The following RNF175 variants were observed in gnomAD, a reference collection of about 807,000 sequenced individuals.
The protein encoded by RNF175 is ring finger protein 175.
RNF175 carries 38 observed loss-of-function variants against 50.0 expected under a neutral mutation model. That is an observed-to-expected ratio of 0.76 (90% confidence interval 0.59 to 1.00). The LOEUF (loss-of-function observed/expected upper bound fraction) is 1.00. Ranked by LOEUF, RNF175 falls within the 50% of genes least tolerant of loss-of-function variation. RNF175 has a pLI of 0.00. For missense variants in RNF175, 388 were observed against 409.6 expected (o/e 0.95, Z 0.46); for synonymous variants, 155 against 146.1 (o/e 1.06, Z -0.44).
intron 5 of RNF175, chr4:153,721,561 AAT>A (rs1490607383): frequency 1.3e-5 from 2 of 152,184 alleles, no homozygotes; most frequent in Non-Finnish European, 2.9e-5. Context: ...TGTCCAGGGA[AAT>A]ATGTATCAAT....
Position 153,748,808 on chromosome 4 carries a change from C to T in RNF175, c.105-22G>A, listed in dbSNP as rs528597506. 4.8e-5 allele frequency: 77 copies of T among 1,596,774 alleles called. No individual in the cohort carries two copies. In the East Asian group the frequency reaches 1.6e-3, roughly 32 times the overall value. Reference sequence around the variant, plus strand: ...CAGGCTGGAACCAGCAAAATGAGGTCATCTGAAAAAGCCCTCAACCTTGCG... The same window carrying T: ...CAGGCTGGAACCAGCAAAATGAGGTTATCTGAAAAAGCCCTCAACCTTGCG... On this transcript the variant is annotated intron_variant, in intron 2 of 8. Coordinates refer to ENST00000347063, the MANE Select transcript of RNF175 (RefSeq NM_173662.4).
chr4:153,746,282 A>C (rs1739965055), intron 3 of RNF175, among the ~76,000 whole-genome samples: 1 of 152,246 alleles, frequency 6.6e-6, no homozygotes, highest in Non-Finnish European at 1.5e-5. Flanking sequence ...CTAAATCCTA[A>C]GACTTGAGGA....
At chr4:153,724,539 C>A (rs889793411) in intron 4 of RNF175, among the ~76,000 whole-genome samples, 5 of 152,176 alleles carry the variant, frequency 3.3e-5, no homozygotes, top group Admixed American at 2.0e-4. Context: ...GAGTCTTGCT[C>A]CAGATGTTTA....
At chr4:153,720,091 CT>C (rs1490788202) in intron 6 of RNF175, 92 bp downstream of exon 6, 10 of 1,359,552 alleles carry the variant, frequency 7.4e-6, no homozygotes, top group Non-Finnish European at 1.0e-5. Flanking sequence ...TGGAGAAAGA[CT>C]TATTTGTTTC....
Position 153,731,104 on chromosome 4 carries a change from T to C in RNF175, c.247-2743A>G, listed in dbSNP as rs115972363. 1.5e-3 allele frequency among the ~76,000 whole-genome samples: 225 copies of C among 152,378 alleles called. 1 individual carries two copies. The highest frequency in any genetic ancestry group is 5.1e-3 in the African/African-American group (212 of 41,592). ...AACTCAGCACCATATTTTCTCAATA[T>C]ATGAAGGGAAAGTTCAGTAATTTGC... On this transcript the variant is annotated intron_variant, in intron 3 of 8. Coordinates refer to ENST00000347063, the MANE Select transcript of RNF175 (RefSeq NM_173662.4).
At chr4:153,750,396 C>T (rs978079791) in intron 2 of RNF175, among the ~76,000 whole-genome samples, 3 of 152,162 alleles carry the variant, frequency 2.0e-5, no homozygotes, top group Admixed American at 2.0e-4. Context: ...TCATCCAAAT[C>T]CCAAGGGTGC....
chr4:153,710,378 C>A lies in RNF175; in HGVS notation c.978G>T (p.Gly326=). Residue 326 remains glycine (G), a synonymous_variant, in exon 9 of 9, where the codon GGG becomes GGT. Coordinates refer to ENST00000347063, the MANE Select transcript of RNF175 (RefSeq NM_173662.4). The stretch of plus-strand genomic sequence containing the variant: ...TCTGGGGTCTGCTGTCCTATTCCAG[C>A]CCTAGTGAATAGATAATGCCTTGAA... The part of the protein sequence containing the change: ...GIVQGIIYSL[G]LE The A allele has an allele frequency of 1.3e-6, 2 of 1,554,550 alleles. No individual in the cohort carries two copies. The highest frequency in any genetic ancestry group is 1.7e-6 in the Non-Finnish European group (2 of 1,147,558).
intron 3 of RNF175, among the ~76,000 whole-genome samples, chr4:153,731,813 A>T (rs1739054997): frequency 1.3e-5 from 2 of 152,174 alleles, no homozygotes; most frequent in South Asian, 2.1e-4. Flanking sequence ...GGGTGGTGGG[A>T]TGGTGGAGGG....
intron 1 of RNF175, among the ~76,000 whole-genome samples, chr4:153,758,814 C>T (rs1740679994): frequency 6.6e-6 from 1 of 152,036 alleles, no homozygotes; most frequent in Admixed American, 6.6e-5. Flanking sequence ...TACTGTTGTT[C>T]CCTCCATCTA....
At chr4:153,714,650 T>C (rs542784978) in intron 7 of RNF175, 2 of 152,356 alleles carry the variant, frequency 1.3e-5, no homozygotes, top group Non-Finnish European at 2.9e-5. Context: ...ATTAAAATAC[T>C]GATGATTGGC....
intron 3 of RNF175, 195 bp downstream of exon 3, chr4:153,748,450 A>G (rs1433305056): frequency 8.3e-6 from 4 of 480,422 alleles, no homozygotes; most frequent in Admixed American, 8.1e-5. Flanking sequence ...ACCCCCCACA[A>G]GTCTTGACAG....
At chr4:153,756,825 GC>G (rs1740589515) in intron 1 of RNF175, among the ~76,000 whole-genome samples, 1 of 152,236 alleles carries the variant, frequency 6.6e-6, no homozygotes, top group African/African-American at 2.4e-5. Context: ...AGAATTACCA[GC>G]AGAGGGCAAG....
At chr4:153,725,842 A>G (rs1530105) in intron 4 of RNF175, among the ~76,000 whole-genome samples, 30,621 of 152,174 alleles carry the variant, frequency 0.2, 3,253 homozygotes, top group East Asian at 0.3. Flanking sequence ...GGATGTGTTC[A>G]GTTTTCCAAA....
At chr4:153,712,850 G>GT (rs1737681465) in intron 7 of RNF175, among the ~76,000 whole-genome samples, 2 of 146,554 alleles carry the variant, frequency 1.4e-5, no homozygotes, top group Admixed American at 1.4e-4. Context: ...AAGAATATGA[G>GT]TCCTTTTTTT....
intron 3 of RNF175, among the ~76,000 whole-genome samples, chr4:153,743,108 TC>T (rs1462457684): frequency 6.6e-6 from 1 of 152,136 alleles, no homozygotes; most frequent in Non-Finnish European, 1.5e-5. Context: ...CAGTAGTGTA[TC>T]AGGCCGTAGT....
chr4:153,730,631 CTCTT>C (rs1447981255), intron 3 of RNF175, among the ~76,000 whole-genome samples: 10 of 152,074 alleles, frequency 6.6e-5, no homozygotes, highest in Non-Finnish European at 1.2e-4. Flanking sequence ...TGCATTTTTC[CTCTT>C]TCTATTTTAA....
intron 1 of RNF175, among the ~76,000 whole-genome samples, chr4:153,754,935 T>C (rs1740489211): frequency 6.6e-6 from 1 of 151,918 alleles, no homozygotes; most frequent in Non-Finnish European, 1.5e-5. Context: ...TGTGAGATAA[T>C]ACATTTTTTT....
chr4:153,748,824 C>T (rs1490264682), intron 2 of RNF175, 38 bp from the exon 3 acceptor site: 1 of 1,543,266 alleles, frequency 6.5e-7, no homozygotes, highest in East Asian at 2.3e-5. Context: ...AAAAAGCCCT[C>T]AACCTTGCGC....
At chr4:153,731,652 GGAAAGAGAAA>G (rs977469997) in intron 3 of RNF175, among the ~76,000 whole-genome samples, 1 of 144,200 alleles carries the variant, frequency 6.9e-6, no homozygotes, top group Non-Finnish European at 1.5e-5. Context: ...AAAGAAAGAA[GGAAAGAGAAA>G]GAAAGAGAGA....
Sources: allele counts gnomAD v4.1 joint callset (sites outside exome capture counted in the v4.1 genomes callset), GRCh38; gene constraint gnomAD v4.1.1; transcripts MANE v1.5; gene names NCBI Gene and HGNC (gene_info 2026-07-23, HGNC 2026-07-21).